CDH12: variants seen among roughly 807,000 people sequenced by gnomAD.
CDH12 encodes the protein cadherin-12.
In CDH12, 41 loss-of-function variants were observed where a neutral mutation model predicts 74.1. That is an observed-to-expected ratio of 0.55 (90% CI 0.43 to 0.72). The LOEUF is 0.72. CDH12 is among the 30% of genes least tolerant of loss of function. The pLI is 0.00. For missense variants in CDH12, 945 were observed against 977.2 expected (o/e 0.97, Z 0.44); for synonymous variants, 399 against 355.0 (o/e 1.12, Z -1.39).
chr5:22,736,711 T>C (rs746005895), intron 1 of CDH12, among the ~76,000 whole-genome samples: 3 of 151,640 alleles, frequency 2.0e-5, no homozygotes, highest in Admixed American at 6.6e-5. Flanking sequence ...AGGCTGAAAG[T>C]TTAAACACAC....
chr5:22,171,917 G>T (rs1299877067), intron 4 of CDH12, among the ~76,000 whole-genome samples: 1 of 151,908 alleles, frequency 6.6e-6, no homozygotes, highest in Non-Finnish European at 1.5e-5. Flanking sequence ...ATCAGTTAAG[G>T]AAGAATTGAG....
chr5:22,362,179 C>T (rs1740833863), intron 3 of CDH12, among the ~76,000 whole-genome samples: 1 of 152,128 alleles, frequency 6.6e-6, no homozygotes, highest in Non-Finnish European at 1.5e-5. Flanking sequence ...GCAATCTACT[C>T]ATCTGACAAA....
intron 4 of CDH12, among the ~76,000 whole-genome samples, chr5:22,206,662 A>C (rs1346486167): frequency 7.0e-6 from 1 of 143,714 alleles, no homozygotes; most frequent in Non-Finnish European, 1.5e-5. Flanking sequence ...GAGGATGAAA[A>C]ATAATGGATT....
intron 3 of CDH12, among the ~76,000 whole-genome samples, chr5:22,219,309 G>T (rs899827516): frequency 1.3e-5 from 2 of 151,522 alleles, no homozygotes; most frequent in Non-Finnish European, 3.0e-5. Context: ...GCTCTAAACG[G>T]ATCTTCCTCT....
intron 1 of CDH12, among the ~76,000 whole-genome samples, chr5:22,598,960 T>C (rs1404228432): frequency 2.0e-5 from 3 of 152,190 alleles, no homozygotes; most frequent in African/African-American, 7.2e-5. Context: ...TTCTAAGTGA[T>C]AATATTGCTA....
intron 2 of CDH12, among the ~76,000 whole-genome samples, chr5:22,431,000 A>T (rs1175158790): frequency 6.6e-6 from 1 of 152,184 alleles, no homozygotes; most frequent in Non-Finnish European, 1.5e-5. Flanking sequence ...TGAACATGTT[A>T]TTAGTAAGGT....
intron 1 of CDH12, among the ~76,000 whole-genome samples, chr5:22,512,403 A>C (rs2126673354): frequency 6.6e-6 from 1 of 152,306 alleles, no homozygotes; most frequent in East Asian, 1.9e-4. Flanking sequence ...CAATGAAAAT[A>C]AATGACACCA....
intron 4 of CDH12, among the ~76,000 whole-genome samples, chr5:22,128,432 T>A (rs1746001293): frequency 6.6e-6 from 1 of 152,156 alleles, no homozygotes; most frequent in Non-Finnish European, 1.5e-5. Context: ...TCTTTTTTGT[T>A]ACCTGCTCAT....
intron 1 of CDH12, among the ~76,000 whole-genome samples, chr5:22,840,170 G>A (rs751397362): frequency 6.6e-6 from 1 of 152,118 alleles, no homozygotes; most frequent in Non-Finnish European, 1.5e-5. Context: ...ACCCAGGCTG[G>A]AGTGCGGTTG....
chr5:22,070,770 T>A lies in CDH12; in HGVS notation c.231+7676A>T, dbSNP rs190934011. ...AATGGTAGTTTGATGAGAATAGAATTGAATTTTTAAATTACACTGGGCAGC... is the reference window on the plus strand; with the variant it reads ...AATGGTAGTTTGATGAGAATAGAATAGAATTTTTAAATTACACTGGGCAGC... On this transcript the variant is annotated intron_variant, in intron 5 of 14. Transcript: ENST00000382254. 5.9e-3 allele frequency among the ~76,000 whole-genome samples: 898 copies of A among 152,290 alleles called. 8 individuals carry two copies. Among genetic ancestry groups the A allele is most frequent in the African/African-American group, 0.021 (859 of 41,558 alleles).
intron 6 of CDH12, among the ~76,000 whole-genome samples, chr5:21,877,756 A>G (rs909275739): frequency 6.6e-6 from 1 of 152,244 alleles, no homozygotes; most frequent in African/African-American, 2.4e-5. Flanking sequence ...TAAACCAATT[A>G]TTAGCATTTT....
At chr5:22,360,179 A>G (rs1239645174) in intron 3 of CDH12, among the ~76,000 whole-genome samples, 1 of 152,096 alleles carries the variant, frequency 6.6e-6, no homozygotes, top group East Asian at 1.9e-4. Context: ...TTGATAGACC[A>G]CTAGCAAGAC....
intron 6 of CDH12, among the ~76,000 whole-genome samples, chr5:21,894,038 A>T (rs1422388410): frequency 6.6e-6 from 1 of 152,196 alleles, no homozygotes. Context: ...GAGTGAGAGA[A>T]ATAGATTTTA....
chr5:22,673,778 G>A (rs532370291), intron 1 of CDH12, among the ~76,000 whole-genome samples: 179 of 152,224 alleles, frequency 1.2e-3, no homozygotes, highest in Admixed American at 3.8e-3. Flanking sequence ...TAATTTTAAA[G>A]ATTAATGGTA....
At chr5:22,339,342 G>A (rs78150826) in intron 3 of CDH12, among the ~76,000 whole-genome samples, 4,295 of 152,178 alleles carry the variant, frequency 0.028, 106 homozygotes, top group Non-Finnish European at 0.042. Context: ...TCTCTACATC[G>A]TAATGACTTT....
chr5:21,885,431 G>C (rs1012762475), intron 6 of CDH12, among the ~76,000 whole-genome samples: 24 of 152,108 alleles, frequency 1.6e-4, no homozygotes, highest in Non-Finnish European at 3.2e-4. Context: ...TTATATGCCT[G>C]TTGAATTGGG....
intron 4 of CDH12, among the ~76,000 whole-genome samples, chr5:22,081,361 T>C (rs1390164365): frequency 5.3e-5 from 8 of 152,188 alleles, no homozygotes; most frequent in African/African-American, 1.9e-4. Flanking sequence ...CTCATTTGTT[T>C]TTAAGTTTAA....
intron 3 of CDH12, among the ~76,000 whole-genome samples, chr5:22,324,508 T>C (rs889931604): frequency 6.6e-6 from 1 of 151,906 alleles, no homozygotes; most frequent in African/African-American, 2.4e-5. Context: ...ATCATGGTTG[T>C]AGATTACCTT....
At chr5:22,355,461 G>C (rs1740521075) in intron 3 of CDH12, among the ~76,000 whole-genome samples, 1 of 150,696 alleles carries the variant, frequency 6.6e-6, no homozygotes, top group East Asian at 2.0e-4. Flanking sequence ...CAAGTAGTAA[G>C]TACTGCTGAA....
Sources: gnomAD v4.1 joint callset for allele counts (sites outside exome capture counted in the v4.1 genomes callset) on GRCh38, gnomAD v4.1.1 for gene constraint, MANE v1.5 for transcripts, NCBI Gene and HGNC (gene_info 2026-07-23, HGNC 2026-07-21) for gene names.